Variants in ODAD2 observed in about 807,000 individuals in gnomAD.
The protein encoded by ODAD2 is outer dynein arm-docking complex subunit 2.
ODAD2 carries 89 observed loss-of-function variants against 106.8 expected under a neutral mutation model. The ratio of observed to expected loss-of-function variants is 0.83; its 90% CI spans 0.70 to 0.99. The LOEUF (loss-of-function observed/expected upper bound fraction) is 0.99, where lower values mean the gene tolerates loss of function less well. Among genes scored for constraint, ODAD2 ranks in the 50% least tolerant of loss-of-function variants. The probability of loss-of-function intolerance (pLI) is 0.00; values close to 1 mark genes in which losing one functional copy is unlikely to be tolerated. For synonymous variants in ODAD2, 404 were observed against 436.2 expected, an observed-to-expected ratio of 0.93 and a Z score of 0.92; for missense variants, 1,168 against 1,238.5, an observed-to-expected ratio of 0.94 and a Z score of 0.85.
At chr10:27,828,468 G>GACCA (rs1837236899) in intron 19 of ODAD2, among the ~76,000 whole-genome samples, 2 of 152,172 alleles carry the variant, frequency 1.3e-5, no homozygotes, top group African/African-American at 4.8e-5. Context: ...AAGACCAGAA[G>GACCA]GAAGATGATT....
rs1840127321 is a variant in ODAD2, at chr10:27,862,577, T to G, written c.2656A>C (p.Ile886Leu). 6.2e-7 allele frequency: 1 copy of G among 1,611,542 alleles called. No individual in the cohort carries two copies. The highest frequency in any genetic ancestry group is 8.5e-7 in the Non-Finnish European group (1 of 1,179,034). ...VRSFVGGLEL[I>L]VNLLKSDNKE... ...TTATCTGATTTCAGTAAATTGACAA[T>G]AAGTTCCAAACCACCAACAAAGGAA... The change falls in exon 18 of 20, where the codon ATT becomes CTT. Residue 886 changes from isoleucine (I) to leucine (L), a missense_variant. This residue lies in a region of ODAD2 where 701 missense variants were observed against 712.3 expected (regional missense o/e 0.98). Coordinates refer to ENST00000305242, the MANE Select transcript of ODAD2 (RefSeq NM_018076.5).
chr10:27,884,100 C>G (rs540739073), intron 17 of ODAD2, among the ~76,000 whole-genome samples: 14 of 152,128 alleles, frequency 9.2e-5, no homozygotes, highest in Non-Finnish European at 1.5e-4. Context: ...GTAGAATATA[C>G]TCAAAGAGAT....
chr10:27,979,902 C>T (rs1045115137), intron 7 of ODAD2, among the ~76,000 whole-genome samples: 13 of 151,958 alleles, frequency 8.6e-5, no homozygotes, highest in African/African-American at 3.1e-4. Context: ...ACCGAATAGC[C>T]AAAACAGTAC....
At position 27,862,575 on chromosome 10, in the gene ODAD2, A is replaced by G; in HGVS notation, c.2658T>C (p.Ile886=). ...VRSFVGGLEL[I]VNLLKSDNKE... is the part of the protein sequence containing the mutation. ...TGTTATCTGATTTCAGTAAATTGAC[A>G]ATAAGTTCCAAACCACCAACAAAGG... is the stretch of plus-strand genomic sequence containing the variant. The change falls in exon 18 of 20, where the codon ATT becomes ATC. Residue 886 remains isoleucine (I), a synonymous_variant. Coordinates refer to ENST00000305242, the MANE Select transcript of ODAD2 (RefSeq NM_018076.5). 2 of 1,611,768 alleles carry G rather than the reference A, an allele frequency of 1.2e-6. No individual in the cohort carries two copies. The highest frequency in any genetic ancestry group is 1.7e-6 in the Non-Finnish European group (2 of 1,179,042).
intron 19 of ODAD2, among the ~76,000 whole-genome samples, chr10:27,836,343 C>G (rs1478014924): frequency 6.6e-6 from 1 of 152,072 alleles, no homozygotes; most frequent in Non-Finnish European, 1.5e-5. Context: ...GGGCCAGAAT[C>G]CAAACCCAGA....
At position 27,939,956 on chromosome 10, in the gene ODAD2, T is replaced by C. The variant is rs770427120; in HGVS notation, c.2038A>G (p.Lys680Glu). The C allele has an allele frequency of 6.2e-7, 1 of 1,611,370 alleles. No homozygotes were observed. Among genetic ancestry groups the C allele is most frequent in the South Asian group, 1.1e-5 (1 of 90,630 alleles). ...TGCTCATTCTCACTATTTAGGTTCT[T>C]GACAAGGTTTTCAATGATCCTTTCT... ...KAERIIENLVKNLNSENEQLQ... is the reference protein window; with the variant it reads ...KAERIIENLVENLNSENEQLQ... Residue 680 changes from lysine to glutamate, a missense_variant, in exon 14 of 20, where the codon AAG becomes GAG. This residue lies in a region of ODAD2 where 701 missense variants were observed against 712.3 expected (regional missense o/e 0.98). Coordinates refer to ENST00000305242, the MANE Select transcript of ODAD2 (RefSeq NM_018076.5).
chr10:27,988,220 A>C (rs1330526731), intron 2 of ODAD2, among the ~76,000 whole-genome samples: 4 of 151,886 alleles, frequency 2.6e-5, no homozygotes, highest in African/African-American at 9.7e-5. Context: ...AGATGTTTTC[A>C]TGGAAGTGAT....
chr10:27,833,980 C>T (rs532508468), intron 19 of ODAD2, among the ~76,000 whole-genome samples: 27 of 152,282 alleles, frequency 1.8e-4, no homozygotes, highest in African/African-American at 5.1e-4. Flanking sequence ...TTCCACATGG[C>T]GCCACCTTAC....
intron 10 of ODAD2, among the ~76,000 whole-genome samples, chr10:27,955,696 GGTGT>G (rs56731384): frequency 0.12 from 16,765 of 142,734 alleles, 976 homozygotes; most frequent in Non-Finnish European, 0.13. Flanking sequence ...AACCAATTAA[GGTGT>G]GTGTGTGTGT....
intron 10 of ODAD2, among the ~76,000 whole-genome samples, chr10:27,959,858 TA>T (rs1032795633): frequency 4.6e-5 from 7 of 152,078 alleles, no homozygotes; most frequent in Non-Finnish European, 1.0e-4. Flanking sequence ...AGGTTTTCTG[TA>T]AAAAAACTTA....
rs75175828 is a variant in ODAD2 at position 27,879,162 on chromosome 10, G to C, written c.2611-16540C>G. Among the ~76,000 whole-genome samples the C allele has an allele frequency of 1.2e-4, 18 of 152,204 alleles. No individual in the cohort carries two copies. In the East Asian group the frequency reaches 2.1e-3, roughly 18 times the overall value. On this transcript the variant is annotated intron_variant, in intron 17 of 19. Transcript: ENST00000305242. ...TAATTTTCTTAAATATCACAGATAA[G>C]TGTGATTTTTCCATTTTACCATGCC...
At chr10:27,939,066 A>C (rs763746279) in intron 14 of ODAD2, among the ~76,000 whole-genome samples, 4 of 152,192 alleles carry the variant, frequency 2.6e-5, no homozygotes, top group Admixed American at 1.3e-4. Flanking sequence ...TTTCTGGTAT[A>C]CTATGAAATG....
rs192740079 is a variant in ODAD2 at position 27,830,621 on chromosome 10, T to C, written c.3022-17996A>G. Among the ~76,000 whole-genome samples, 233 of 152,330 alleles carry C rather than the reference T, an allele frequency of 1.5e-3. 2 individuals carry two copies. The highest frequency in any genetic ancestry group is 5.4e-3 in the African/African-American group (224 of 41,574). On this transcript the variant is annotated intron_variant, in intron 19 of 19. Coordinates refer to ENST00000305242, the MANE Select transcript of ODAD2 (RefSeq NM_018076.5). ...ACAGTTCTATTTAGGAAGGTCTCCA[T>C]TGGGGGCCCCCTAAAATGATACATG...
At chr10:27,861,601 G>C (rs945584676) in intron 18 of ODAD2, among the ~76,000 whole-genome samples, 4 of 152,178 alleles carry the variant, frequency 2.6e-5, no homozygotes, top group African/African-American at 9.7e-5. Context: ...AATACACCTT[G>C]GTTGCCTTGG....
At chr10:27,823,388 T>C (rs1836765816) in intron 19 of ODAD2, among the ~76,000 whole-genome samples, 1 of 152,214 alleles carries the variant, frequency 6.6e-6, no homozygotes, top group South Asian at 2.1e-4. Flanking sequence ...CCATAGATTA[T>C]GCAGTAAAGT....
chr10:27,892,805 G>A (rs534345703), intron 17 of ODAD2, among the ~76,000 whole-genome samples: 1 of 152,160 alleles, frequency 6.6e-6, no homozygotes, highest in East Asian at 1.9e-4. Flanking sequence ...CTGCTACTTC[G>A]TTGCCTGGCT....
At chr10:27,990,690 A>G (rs1208553290) in intron 2 of ODAD2, among the ~76,000 whole-genome samples, 1 of 152,186 alleles carries the variant, frequency 6.6e-6, no homozygotes, top group African/African-American at 2.4e-5. Context: ...GTTGAGTGTA[A>G]CCTTAGAGAT....
At chr10:27,920,666 G>T (rs1278179223) in intron 16 of ODAD2, among the ~76,000 whole-genome samples, 1 of 152,218 alleles carries the variant, frequency 6.6e-6, no homozygotes, top group East Asian at 1.9e-4. Context: ...AAATGTTCTT[G>T]TTGATACAAA....
chr10:27,939,842 T>C lies in ODAD2; in HGVS notation c.2097+55A>G, dbSNP rs75562851. The C allele has an allele frequency of 7.8e-3, 8,100 of 1,041,410 alleles. 205 individuals carry two copies. The highest frequency in any genetic ancestry group is 0.071 in the African/African-American group (4,293 of 60,752). The allele number at this position is 1,041,410 out of a possible 1,614,324, so 64.5% of individuals were successfully genotyped here. ...GAAGGAAACCACATGGTTAGAAAAC[T>C]ACCTTAAACTATGTGAGAAAGAACG... On this transcript the variant is annotated intron_variant, in intron 14 of 19. Transcript: ENST00000305242.
Sources: allele counts gnomAD v4.1 joint callset (sites outside exome capture counted in the v4.1 genomes callset), GRCh38; gene constraint gnomAD v4.1.1; regional missense constraint gnomAD v4.1.1; transcripts MANE v1.5; gene names NCBI Gene and HGNC (gene_info 2026-07-23, HGNC 2026-07-21).